Variants in FAF1 observed in about 807,000 individuals in gnomAD.
FAF1 encodes the protein FAS-associated factor 1.
A neutral mutation model predicts 92.5 loss-of-function variants in FAF1; 25 were observed. That is an observed-to-expected ratio of 0.27 (90% CI 0.20 to 0.38). The LOEUF is 0.38. Among genes scored for constraint, FAF1 ranks in the 10% least tolerant of loss-of-function variants. The pLI, the probability that FAF1 is intolerant of heterozygous loss-of-function variation, is 1.00. For synonymous variants in FAF1, 234 were observed against 273.2 expected, an observed-to-expected ratio of 0.86 and a Z score of 1.42; for missense variants, 636 against 793.3, an observed-to-expected ratio of 0.80 and a Z score of 2.38.
Position 50,960,207 on chromosome 1 carries a change from A to AACGCCGCGGCCGC in FAF1, c.-409_-397dup. The AACGCCGCGGCCGC allele has an allele frequency of 6.1e-6, 2 of 326,864 alleles. No individual in the cohort carries two copies. Among genetic ancestry groups the AACGCCGCGGCCGC allele is most frequent in the Non-Finnish European group, 1.1e-5 (2 of 178,852 alleles). The allele number at this position is 326,864 out of a possible 1,614,324, so 20.2% of individuals were successfully genotyped here. A position where few individuals can be genotyped will look rare whatever the true frequency, so the allele number is the denominator to read the frequency against. On this transcript the variant is annotated 5_prime_UTR_variant, in exon 1 of 19. Coordinates refer to ENST00000396153, the MANE Select transcript of FAF1 (RefSeq NM_007051.3). ...AACCGAGCGAGCGAGCGGGCGGGCGAACGCCGCGGCCGCCTCCGCCTCCTC... is the reference window on the plus strand; with the variant it reads ...AACCGAGCGAGCGAGCGGGCGGGCGAACGCCGCGGCCGCACGCCGCGGCCGCCTCCGCCTCCTC...
chr1:50,677,028 A>G (rs1303910788), intron 7 of FAF1, among the ~76,000 whole-genome samples: 4 of 152,204 alleles, frequency 2.6e-5, no homozygotes, highest in Non-Finnish European at 5.9e-5. Flanking sequence ...GTGTTTTAGT[A>G]TTGTTATAAA....
At chr1:50,798,311 C>A (rs1400167321) in intron 3 of FAF1, among the ~76,000 whole-genome samples, 1 of 152,164 alleles carries the variant, frequency 6.6e-6, no homozygotes, top group Non-Finnish European at 1.5e-5. Context: ...AAATTGTACA[C>A]CTGTCTGGGT....
chr1:50,874,960 T>C (rs1228244671), intron 1 of FAF1, among the ~76,000 whole-genome samples: 1 of 151,608 alleles, frequency 6.6e-6, no homozygotes, highest in African/African-American at 2.4e-5. Context: ...TTTTCTGTTT[T>C]TGTAGAGACA....
chr1:50,681,468 T>G (rs1489695403), intron 7 of FAF1, among the ~76,000 whole-genome samples: 3 of 152,192 alleles, frequency 2.0e-5, no homozygotes, highest in Non-Finnish European at 4.4e-5. Context: ...TTTTTAAATA[T>G]CTTCAATAGC....
At chr1:50,888,833 G>A (rs1324352483) in intron 1 of FAF1, among the ~76,000 whole-genome samples, 1 of 151,918 alleles carries the variant, frequency 6.6e-6, no homozygotes, top group Admixed American at 6.6e-5. Context: ...CTCTTTTTTT[G>A]TTGTGTCTCT....
chr1:50,624,818 CAT>C (rs756890264), intron 8 of FAF1, among the ~76,000 whole-genome samples: 3 of 151,652 alleles, frequency 2.0e-5, no homozygotes, highest in Admixed American at 6.6e-5. Flanking sequence ...GCAATAAAAA[CAT>C]GTGATTGTTA....
At chr1:50,715,778 G>A (rs1379074378) in intron 6 of FAF1, among the ~76,000 whole-genome samples, 1 of 152,036 alleles carries the variant, frequency 6.6e-6, no homozygotes, top group Admixed American at 6.6e-5. Context: ...TTAAGTCACC[G>A]GCTTAGTTTA....
chr1:50,936,913 A>C (rs1289670024), intron 1 of FAF1, among the ~76,000 whole-genome samples: 2 of 152,148 alleles, frequency 1.3e-5, no homozygotes, highest in Admixed American at 6.6e-5. Flanking sequence ...TTAAACCTGA[A>C]ATAGGCTGAG....
intron 18 of FAF1, among the ~76,000 whole-genome samples, chr1:50,453,916 A>AACCTGCCTCCTGACCCTAGCAT: frequency 6.6e-6 from 1 of 152,274 alleles, no homozygotes; most frequent in East Asian, 1.9e-4. Flanking sequence ...GGGAACTGCA[A>AACCTGCCTCCTGACCCTAGCAT]ACCTGCCTCC....
At chr1:50,666,511 C>T (rs763616386) in intron 7 of FAF1, among the ~76,000 whole-genome samples, 15 of 152,222 alleles carry the variant, frequency 9.9e-5, no homozygotes, top group Non-Finnish European at 1.8e-4. Context: ...GCCCAGCTAC[C>T]GGACACTTTT....
At chr1:50,694,840 GTAGTCCCAGC>G (rs1488654557) in intron 7 of FAF1, among the ~76,000 whole-genome samples, 4 of 150,916 alleles carry the variant, frequency 2.7e-5, no homozygotes, top group African/African-American at 9.7e-5. Flanking sequence ...GTGGGCACCT[GTAGTCCCAGC>G]TACTCGGGAG....
chr1:50,947,260 T>C (rs1018556130), intron 1 of FAF1, among the ~76,000 whole-genome samples: 2 of 152,222 alleles, frequency 1.3e-5, no homozygotes, highest in Non-Finnish European at 2.9e-5. Context: ...TCTTCTATTA[T>C]AGTTCAATCA....
chr1:50,592,136 C>T (rs1651548087), intron 9 of FAF1, among the ~76,000 whole-genome samples: 1 of 152,018 alleles, frequency 6.6e-6, no homozygotes, highest in African/African-American at 2.4e-5. Flanking sequence ...GCATCTCATG[C>T]TTGCCTCAAT....
chr1:50,834,376 A>G (rs960513192), intron 2 of FAF1, among the ~76,000 whole-genome samples: 2 of 152,228 alleles, frequency 1.3e-5, no homozygotes, highest in Non-Finnish European at 2.9e-5. Context: ...ACATTCTGTC[A>G]AAGTGAAACT....
Position 50,584,884 on chromosome 1 carries a change from T to C in FAF1, c.841-73A>G. The C allele has an allele frequency of 3.0e-6, 4 of 1,349,894 alleles. No homozygotes were observed. In the East Asian group the frequency reaches 7.0e-5, roughly 24 times the overall value. The allele number at this position is 1,349,894 out of a possible 1,614,324, so 83.6% of individuals were successfully genotyped here. Reference sequence around the variant, plus strand: ...AAATTCTAAGAATAAGTTATAATAATAACAACAGGACATAAGCGTTATAAA... The same window carrying C: ...AAATTCTAAGAATAAGTTATAATAACAACAACAGGACATAAGCGTTATAAA... On this transcript the variant is annotated intron_variant, in intron 9 of 18. Transcript: ENST00000396153.
intron 2 of FAF1, among the ~76,000 whole-genome samples, chr1:50,838,839 C>T: frequency 6.6e-6 from 1 of 152,004 alleles, no homozygotes; most frequent in Non-Finnish European, 1.5e-5. Context: ...ATAAAAGTAT[C>T]CAAATCAGAT....
At chr1:50,781,479 C>T (rs928903634) in intron 4 of FAF1, among the ~76,000 whole-genome samples, 5 of 152,014 alleles carry the variant, frequency 3.3e-5, no homozygotes, top group African/African-American at 1.2e-4. Context: ...TATATGCATC[C>T]AATACTGAAG....
chr1:50,561,877 G>GGAAGGAAGGAAA (rs1649928595), intron 13 of FAF1, among the ~76,000 whole-genome samples: 1 of 144,086 alleles, frequency 6.9e-6, no homozygotes, highest in African/African-American at 2.9e-5. Flanking sequence ...AAGGAAGGAA[G>GGAAGGAAGGAAA]GAAGGAAGGA....
chr1:50,841,710 C>G lies in FAF1; in HGVS notation c.114+16219G>C, dbSNP rs554467177. ...TGAAGTAGCCAATCTGTTAACATGG[C>G]AAGAAATGAAGATAATTGTAAAAAA... On this transcript the variant is annotated intron_variant, in intron 2 of 18. Transcript: ENST00000396153. Among the ~76,000 whole-genome samples, 15 of 151,650 alleles carry G rather than the reference C, an allele frequency of 9.9e-5. No homozygotes were observed. The East Asian group carries it at 2.5e-3, about 25-fold the overall frequency.
Sources: allele counts gnomAD v4.1 joint callset (sites outside exome capture counted in the v4.1 genomes callset), GRCh38; gene constraint gnomAD v4.1.1; transcripts MANE v1.5; gene names NCBI Gene and HGNC (gene_info 2026-07-23, HGNC 2026-07-21).